The following TENT5C variants were observed in gnomAD, a reference collection of about 807,000 sequenced individuals.
TENT5C encodes the protein family with sequence similarity 46 member C.
A neutral mutation model predicts 22.2 loss-of-function variants in TENT5C; 5 were observed. That is an observed-to-expected ratio of 0.22 (90% confidence interval 0.12 to 0.47). TENT5C has a LOEUF of 0.47. Ranked by LOEUF, TENT5C falls within the 20% of genes least tolerant of loss-of-function variation. TENT5C has a pLI of 0.99. For synonymous variants in TENT5C, 199 were observed against 195.4 expected (o/e 1.02, Z -0.15); for missense variants, 364 against 500.9 (o/e 0.73, Z 2.61).
rs929897877 is a variant in TENT5C at position 117,626,102 on chromosome 1, G to A, written c.*2058G>A. The A allele has an allele frequency of 1.4e-4, 34 of 247,832 alleles. No homozygotes were observed. Among genetic ancestry groups the A allele is most frequent in the African/African-American group, 7.1e-4 (32 of 45,336 alleles). The allele number at this position is 247,832 out of a possible 1,614,324, so 15.4% of individuals were successfully genotyped here. ...AAATGGCATGTGTTTGCACAAAAAT[G>A]ACCGATGTGTTTAACCAAAGCTTTG... On this transcript the variant is annotated 3_prime_UTR_variant, in exon 2 of 2. Transcript: ENST00000369448.
intron 1 of TENT5C, among the ~76,000 whole-genome samples, chr1:117,622,306 TGAAG>T (rs1365215843): frequency 5.5e-5 from 8 of 145,378 alleles, no homozygotes; most frequent in Admixed American, 2.1e-4. Context: ...ACTTGTGGAG[TGAAG>T]GAAGTCGTGT....
At chr1:117,611,618 A>T (rs1003003434) in intron 1 of TENT5C, among the ~76,000 whole-genome samples, 2 of 152,198 alleles carry the variant, frequency 1.3e-5, no homozygotes, top group Non-Finnish European at 2.9e-5. Flanking sequence ...AGGCAGGAGG[A>T]TCCCTTGAGT....
At chr1:117,606,811 C>T (rs913548027) in intron 1 of TENT5C, among the ~76,000 whole-genome samples, 4 of 152,210 alleles carry the variant, frequency 2.6e-5, no homozygotes, top group African/African-American at 9.6e-5. Context: ...GCGCTCACAT[C>T]AGACTGTGGA....
intron 1 of TENT5C, among the ~76,000 whole-genome samples, chr1:117,617,565 A>G (rs1044648732): frequency 1.3e-5 from 2 of 152,218 alleles, no homozygotes; most frequent in Non-Finnish European, 2.9e-5. Context: ...CTACTGTATA[A>G]ATATAATGAA....
chr1:117,614,369 G>A (rs1558005862), intron 1 of TENT5C, among the ~76,000 whole-genome samples: 2 of 152,168 alleles, frequency 1.3e-5, no homozygotes, highest in Non-Finnish European at 2.9e-5. Context: ...ATGGTCATTC[G>A]AAGCGCCTGG....
At chr1:117,622,321 G>A (rs1355461325) in intron 1 of TENT5C, among the ~76,000 whole-genome samples, 1 of 7,340 alleles carries the variant, frequency 1.4e-4, no homozygotes, top group Non-Finnish European at 5.4e-3. Context: ...GAAGTCGTGT[G>A]TGTGTGTGTG....
At chr1:117,618,727 A>G (rs1653836616) in intron 1 of TENT5C, among the ~76,000 whole-genome samples, 1 of 152,228 alleles carries the variant, frequency 6.6e-6, no homozygotes, top group Non-Finnish European at 1.5e-5. Flanking sequence ...ATAGATTCCA[A>G]ATTCAAAGGG....
rs1627787 is a variant in TENT5C, at chr1:117,623,351, C to G, written c.483C>G (p.Asn161Lys). ...GCCTGATCTCCCTCTCCAACAAGAACGGGAAGAACGTGGAGCTGAAGTTTG... is the reference window on the plus strand; with the variant it reads ...GCCTGATCTCCCTCTCCAACAAGAAGGGGAAGAACGTGGAGCTGAAGTTTG... ...RWSLISLSNK[N>K]GKNVELKFVD... is the part of the protein sequence containing the mutation. The change falls in exon 2 of 2, where the codon AAC becomes AAG. Residue 161 changes from asparagine to lysine, a missense_variant. Transcript: ENST00000369448. 6.2e-7 allele frequency: 1 copy of G among 1,613,908 alleles called. No homozygotes were observed. The highest frequency in any genetic ancestry group is 8.5e-7 in the Non-Finnish European group (1 of 1,179,976).
intron 1 of TENT5C, among the ~76,000 whole-genome samples, chr1:117,621,532 A>T (rs1161470408): frequency 6.6e-6 from 1 of 152,174 alleles, no homozygotes; most frequent in Admixed American, 6.5e-5. Context: ...AGTAACAACC[A>T]TAGGAGATCC....
rs1405751813 is a variant in TENT5C, at chr1:117,624,920, C to A, written c.*876C>A. The A allele has an allele frequency of 5.7e-5, 14 of 247,614 alleles. No homozygotes were observed. Among genetic ancestry groups the A allele is most frequent in the Non-Finnish European group, 1.7e-5 (2 of 118,030 alleles). 15.3% of individuals were successfully genotyped at this position (247,614 alleles called of 1,614,324 possible). ...TTTTTTTCTTTTTTCCTCATCAGCTCTTTCATGGCTGAATTTTGTTTTATT... is the reference window on the plus strand; with the variant it reads ...TTTTTTTCTTTTTTCCTCATCAGCTATTTCATGGCTGAATTTTGTTTTATT... On this transcript the variant is annotated 3_prime_UTR_variant, in exon 2 of 2. Transcript: ENST00000369448.
At chr1:117,622,761 A>C in intron 1 of TENT5C, 81 bp from the exon 2 acceptor site, 5 of 900,762 alleles carry the variant, frequency 5.6e-6, no homozygotes, top group Non-Finnish European at 8.6e-6. Context: ...AGATGTTCAG[A>C]GATTAAACAG....
chr1:117,623,885 T>C lies in TENT5C; in HGVS notation c.1017T>C (p.Arg339=). Residue 339 remains arginine (R), a synonymous_variant, in exon 2 of 2, where the codon CGT becomes CGC. Coordinates refer to ENST00000369448, the MANE Select transcript of TENT5C (RefSeq NM_017709.4). The part of the protein sequence containing the change: ...TLNLISLLAL[R]VLAEQNIIPS... Reference sequence around the variant, plus strand: ...ACCTCATCTCCCTCCTGGCCTTGCGTGTGCTGGCGGAACAAAACATCATCC... The same window carrying C: ...ACCTCATCTCCCTCCTGGCCTTGCGCGTGCTGGCGGAACAAAACATCATCC... 2 of 1,614,120 alleles carry C rather than the reference T, an allele frequency of 1.2e-6. No individual in the cohort carries two copies. Among genetic ancestry groups the C allele is most frequent in the African/African-American group, 2.7e-5 (2 of 75,018 alleles).
intron 1 of TENT5C, among the ~76,000 whole-genome samples, chr1:117,620,180 G>T (rs1475597474): frequency 1.3e-5 from 2 of 152,140 alleles, no homozygotes; most frequent in African/African-American, 2.4e-5. Context: ...CCATTGTAGC[G>T]TAGGCATTGT....
In TENT5C at chr1:117,623,065, T is replaced by C; in HGVS notation, c.197T>C (p.Val66Ala). ...CGGCTGGAGGAGGCAGGCATCAAAGTGCACGACGTCCGGCTGAATGGCTCC... is the reference window on the plus strand; with the variant it reads ...CGGCTGGAGGAGGCAGGCATCAAAGCGCACGACGTCCGGCTGAATGGCTCC... ...RSRLEEAGIK[V>A]HDVRLNGSAA... is the part of the protein sequence containing the mutation. Residue 66 changes from valine (V) to alanine (A), a missense_variant, in exon 2 of 2, where the codon GTG (valine) becomes GCG (alanine). Transcript: ENST00000369448. 1.2e-6 allele frequency: 2 copies of C among 1,614,174 alleles called. No homozygotes were observed. The highest frequency in any genetic ancestry group is 1.7e-6 in the Non-Finnish European group (2 of 1,180,028).
At chr1:117,618,822 T>C (rs1215538786) in intron 1 of TENT5C, among the ~76,000 whole-genome samples, 1 of 152,238 alleles carries the variant, frequency 6.6e-6, no homozygotes, top group Non-Finnish European at 1.5e-5. Context: ...AACTACTACC[T>C]GCATATGTTT....
intron 1 of TENT5C, among the ~76,000 whole-genome samples, chr1:117,607,497 G>GT (rs1283274494): frequency 6.6e-6 from 1 of 152,184 alleles, no homozygotes; most frequent in Non-Finnish European, 1.5e-5. Flanking sequence ...AGGTTACTTT[G>GT]TAGGTGGGTT....
At position 117,606,512 on chromosome 1, in the gene TENT5C, A is replaced by T. The variant is rs1056176663; in HGVS notation, c.-28+359A>T. On this transcript the variant is annotated intron_variant, in intron 1 of 1. Transcript: ENST00000369448. ...TGGCCAGGCGCGGGCAGGGCGTCTG[A>T]AGAGTGTGTGATCGGCGCCTCCGCT... 2.1e-4 allele frequency among the ~76,000 whole-genome samples: 32 copies of T among 152,098 alleles called. 1 individual carries two copies. Among genetic ancestry groups the T allele is most frequent in the African/African-American group, 7.7e-4 (32 of 41,426 alleles).
Position 117,627,607 on chromosome 1 carries a change from A to G in TENT5C, c.*3563A>G, listed in dbSNP as rs546708443. 1.6e-5 allele frequency: 4 copies of G among 248,000 alleles called. No individual in the cohort carries two copies. The highest frequency in any genetic ancestry group is 3.4e-5 in the Non-Finnish European group (4 of 118,084). 15.4% of individuals were successfully genotyped at this position (248,000 alleles called of 1,614,324 possible). ...GGACCAGGGCTCTGTGTCAGGGAAAACCTTCTGGGTGGACTTTGTAAGAAT... is the reference window on the plus strand; with the variant it reads ...GGACCAGGGCTCTGTGTCAGGGAAAGCCTTCTGGGTGGACTTTGTAAGAAT... On this transcript the variant is annotated 3_prime_UTR_variant, in exon 2 of 2. Transcript: ENST00000369448.
intron 1 of TENT5C, among the ~76,000 whole-genome samples, chr1:117,606,667 G>A (rs1422922864): frequency 6.6e-6 from 1 of 152,290 alleles, no homozygotes; most frequent in East Asian, 1.9e-4. Flanking sequence ...ATTCGAATTC[G>A]GCGGTTTCAC....
Sources: allele counts gnomAD v4.1 joint callset (sites outside exome capture counted in the v4.1 genomes callset), GRCh38; gene constraint gnomAD v4.1.1; transcripts MANE v1.5; gene names NCBI Gene and HGNC (gene_info 2026-07-23, HGNC 2026-07-21).